The following SLIT3 variants were observed in gnomAD, a reference collection of about 807,000 sequenced individuals.
SLIT3 encodes the protein slit guidance ligand 3.
Under a neutral mutation model 184.0 loss-of-function variants are expected in SLIT3, and 68 were observed. That is an observed-to-expected ratio of 0.37 (90% confidence interval 0.30 to 0.45). The LOEUF is 0.45. Ranked by LOEUF, SLIT3 falls within the 20% of genes least tolerant of loss-of-function variation. The pLI is 1.00. For synonymous variants in SLIT3, 831 were observed against 828.6 expected (o/e 1.00, Z -0.05); for missense variants, 1,707 against 2,026.0 (o/e 0.84, Z 3.02).
chr5:168,947,984 G>T (rs1183722868), intron 4 of SLIT3, among the ~76,000 whole-genome samples: 1 of 151,534 alleles, frequency 6.6e-6, no homozygotes, highest in Non-Finnish European at 1.5e-5. Context: ...AGAGATGGGG[G>T]TCTCGCCATG....
intron 23 of SLIT3, 88 bp downstream of exon 23, chr5:168,722,168 G>A: frequency 8.3e-7 from 1 of 1,200,740 alleles, no homozygotes; most frequent in Non-Finnish European, 1.2e-6. Context: ...TGGGCTTTGG[G>A]CAGAGAGTGG....
chr5:168,785,282 G>C (rs1479726167), intron 12 of SLIT3, among the ~76,000 whole-genome samples: 2 of 152,180 alleles, frequency 1.3e-5, no homozygotes, highest in Non-Finnish European at 2.9e-5. Context: ...CTCCACATCA[G>C]AGTTCAATTA....
chr5:169,272,375 A>T (rs1766657261), intron 1 of SLIT3, among the ~76,000 whole-genome samples: 1 of 152,234 alleles, frequency 6.6e-6, no homozygotes, highest in Admixed American at 6.5e-5. Flanking sequence ...TTACTTCCTA[A>T]GATTTCACAA....
intron 1 of SLIT3, among the ~76,000 whole-genome samples, chr5:169,287,241 G>A (rs1421282534): frequency 1.3e-5 from 2 of 152,092 alleles, no homozygotes; most frequent in African/African-American, 2.4e-5. Flanking sequence ...TTCCCTTGCC[G>A]TTTTCTTCAG....
intron 23 of SLIT3, among the ~76,000 whole-genome samples, chr5:168,718,714 A>T (rs1762833889): frequency 7.1e-6 from 1 of 140,580 alleles, no homozygotes; most frequent in African/African-American, 2.8e-5. Context: ...ACACACACAC[A>T]CACACACACA....
intron 4 of SLIT3, chr5:169,120,324 T>A (rs148195964): frequency 2.0e-5 from 3 of 152,140 alleles, no homozygotes; most frequent in African/African-American, 7.2e-5. Flanking sequence ...GGGATGTGAT[T>A]TCTGTCTAGT....
chr5:169,183,989 G>A (rs781104725), intron 4 of SLIT3, among the ~76,000 whole-genome samples: 2 of 152,144 alleles, frequency 1.3e-5, no homozygotes, highest in Non-Finnish European at 2.9e-5. Context: ...AGTATTGCCC[G>A]ATCACTTTAG....
rs1312661274 is a variant in SLIT3 at position 168,789,576 on chromosome 5, T to G, written c.1063A>C (p.Lys355Gln). The change falls in exon 11 of 36, where the codon AAA becomes CAA. Residue 355 changes from lysine (K) to glutamine (Q), a missense_variant. By Grantham distance (53) the Lys-to-Gln change is moderately conservative (BLOSUM62 1). This residue lies in a region of SLIT3 where 1,307 missense variants were observed against 1,511.6 expected (regional missense o/e 0.86). Coordinates refer to ENST00000519560, the MANE Select transcript of SLIT3 (RefSeq NM_003062.4). ...DIAPDAFQGL[K>Q]SLTSLVLYGN... is the part of the protein sequence containing the mutation. ...CCCACTTACAGCGATGTGAGTGATT[T>G]CAGGCCCTGGAAGGCATCTGGAGCA... The G allele has an allele frequency of 2.5e-6, 4 of 1,613,510 alleles. No individual in the cohort carries two copies. In the East Asian group the frequency reaches 8.9e-5, roughly 36 times the overall value.
At chr5:168,747,157 G>A (rs941712135) in intron 20 of SLIT3, among the ~76,000 whole-genome samples, 2 of 152,106 alleles carry the variant, frequency 1.3e-5, no homozygotes, top group African/African-American at 4.8e-5. Flanking sequence ...CTAGTGACCT[G>A]CCCCTCACCC....
chr5:168,908,349 G>T (rs1197190947), intron 4 of SLIT3, among the ~76,000 whole-genome samples: 1 of 152,062 alleles, frequency 6.6e-6, no homozygotes, highest in African/African-American at 2.4e-5. Flanking sequence ...CTCCTAATCT[G>T]TCTGAATGCC....
chr5:169,086,959 A>G (rs1456520673), intron 4 of SLIT3, among the ~76,000 whole-genome samples: 6 of 152,256 alleles, frequency 3.9e-5, no homozygotes, highest in South Asian at 2.1e-4. Context: ...ACTGCTGAGC[A>G]TAAAAGGAAA....
At chr5:168,894,956 A>T (rs1447942765) in intron 4 of SLIT3, among the ~76,000 whole-genome samples, 1 of 152,000 alleles carries the variant, frequency 6.6e-6, no homozygotes. Flanking sequence ...GATCTTTGGG[A>T]TAATCTACAC....
At chr5:169,282,966 T>C (rs1256754708) in intron 1 of SLIT3, among the ~76,000 whole-genome samples, 1 of 152,204 alleles carries the variant, frequency 6.6e-6, no homozygotes, top group East Asian at 1.9e-4. Flanking sequence ...CGGGCATCAG[T>C]AATTTTTTAA....
In SLIT3 at chr5:168,715,800, G is replaced by A. The variant is rs577135672; in HGVS notation, c.2484-3446C>T. On this transcript the variant is annotated intron_variant, in intron 23 of 35. Transcript: ENST00000519560. ...CGATTCTCCTGCCTCAGCCTCCTGA[G>A]TAGCTGGGATTACAGATGTGCACCA... Among the ~76,000 whole-genome samples, 3 of 152,182 alleles carry A rather than the reference G, an allele frequency of 2.0e-5. No individual in the cohort carries two copies. The South Asian group carries it at 6.2e-4, about 32-fold the overall frequency.
intron 24 of SLIT3, 79 bp from the exon 25 acceptor site, chr5:168,711,137 C>G: frequency 1.5e-6 from 2 of 1,321,734 alleles, no homozygotes; most frequent in Non-Finnish European, 2.0e-6. Flanking sequence ...TCTGGAAATG[C>G]ATTTTCAGAC....
chr5:169,201,632 G>A (rs1469042988), intron 3 of SLIT3, among the ~76,000 whole-genome samples: 1 of 152,164 alleles, frequency 6.6e-6, no homozygotes, highest in Non-Finnish European at 1.5e-5. Flanking sequence ...AAATCTCAGT[G>A]GGTTAACACA....
intron 10 of SLIT3, chr5:168,789,866 C>T: frequency 2.0e-6 from 1 of 499,662 alleles, no homozygotes; most frequent in Non-Finnish European, 3.5e-6. Flanking sequence ...GAATACTCAC[C>T]CGTGGCATCT....
rs1767082758 is a variant in SLIT3, at chr5:169,284,200, G to A, written c.197+16313C>T. On this transcript the variant is annotated intron_variant, in intron 1 of 35. Transcript: ENST00000519560. ...GAAAATGTGAACCTCTGAGCAAAAC[G>A]ATTATAACTGGAGGAAGCCAGGGGA... Among the ~76,000 whole-genome samples the A allele has an allele frequency of 2.0e-5, 3 of 152,334 alleles. No homozygotes were observed. The South Asian group carries it at 6.2e-4, about 32-fold the overall frequency.
At chr5:169,138,300 C>T (rs1013284161) in intron 4 of SLIT3, among the ~76,000 whole-genome samples, 8 of 152,278 alleles carry the variant, frequency 5.3e-5, no homozygotes, top group South Asian at 2.1e-4. Flanking sequence ...GACTGGTGGA[C>T]GGAAAAGAGC....
Sources: allele counts gnomAD v4.1 joint callset (sites outside exome capture counted in the v4.1 genomes callset), GRCh38; gene constraint gnomAD v4.1.1; regional missense constraint gnomAD v4.1.1; transcripts MANE v1.5; gene names NCBI Gene and HGNC (gene_info 2026-07-23, HGNC 2026-07-21).